The following CAMK1D variants were observed in gnomAD, a reference collection of about 807,000 sequenced individuals.
CAMK1D encodes calcium/calmodulin-dependent protein kinase type 1D.
A neutral mutation model predicts 47.7 loss-of-function variants in CAMK1D; 9 were observed. The observed-to-expected ratio is 0.19, with a 90% CI of 0.11 to 0.33. The LOEUF (loss-of-function observed/expected upper bound fraction) is 0.33, where lower values mean the gene tolerates loss of function less well. Among genes scored for constraint, CAMK1D ranks in the 10% least tolerant of loss-of-function variants. The pLI is 1.00. For missense variants in CAMK1D, 291 were observed against 488.7 expected, an observed-to-expected ratio of 0.60 and a Z score of 3.81; for synonymous variants, 184 against 184.9, an observed-to-expected ratio of 0.99 and a Z score of 0.04.
intron 3 of CAMK1D, among the ~76,000 whole-genome samples, chr10:12,681,790 T>C (rs902985245): frequency 2.0e-5 from 3 of 152,240 alleles, no homozygotes; most frequent in Admixed American, 1.3e-4. Context: ...AATCAAAGTA[T>C]TCAGCAAATT....
intron 3 of CAMK1D, among the ~76,000 whole-genome samples, chr10:12,691,916 G>A (rs1344946070): frequency 2.0e-5 from 3 of 152,092 alleles, no homozygotes; most frequent in Admixed American, 2.0e-4. Flanking sequence ...TACATCCTAT[G>A]GTATAAATGT....
At chr10:12,693,897 A>T (rs1466426640) in intron 3 of CAMK1D, among the ~76,000 whole-genome samples, 2 of 113,984 alleles carry the variant, frequency 1.8e-5, no homozygotes, top group African/African-American at 6.6e-5. Flanking sequence ...TATATATATA[A>T]AATATATATA....
chr10:12,689,477 T>C (rs1832788125), intron 3 of CAMK1D, among the ~76,000 whole-genome samples: 1 of 152,120 alleles, frequency 6.6e-6, no homozygotes, highest in South Asian at 2.1e-4. Flanking sequence ...AGAGTAGATA[T>C]TAAGAATTGG....
At chr10:12,683,394 C>T (rs1035011771) in intron 3 of CAMK1D, among the ~76,000 whole-genome samples, 3 of 152,034 alleles carry the variant, frequency 2.0e-5, no homozygotes, top group African/African-American at 4.8e-5. Context: ...CCATAAAATT[C>T]TTTTTATAAG....
intron 2 of CAMK1D, among the ~76,000 whole-genome samples, chr10:12,583,442 A>G (rs1387477798): frequency 6.6e-6 from 1 of 152,182 alleles, no homozygotes; most frequent in East Asian, 1.9e-4. Context: ...TCTTAATAGG[A>G]AAATCCCTTA....
intron 6 of CAMK1D, among the ~76,000 whole-genome samples, chr10:12,798,465 G>A (rs575455982): frequency 3.9e-5 from 6 of 152,234 alleles, no homozygotes; most frequent in Non-Finnish European, 7.3e-5. Flanking sequence ...TGGGAGGGAG[G>A]TGGTGGGGCA....
rs187876351 is a variant in CAMK1D at position 12,683,017 on chromosome 10, G to C, written c.299+16207G>C. Reference sequence around the variant, plus strand: ...GCTCACTGCAACCTCTGCCTCCCAGGTTCAGGCGATTCTCCTGCCTCAGCC... The same window carrying C: ...GCTCACTGCAACCTCTGCCTCCCAGCTTCAGGCGATTCTCCTGCCTCAGCC... On this transcript the variant is annotated intron_variant, in intron 3 of 10. Transcript: ENST00000619168. Among the ~76,000 whole-genome samples the C allele has an allele frequency of 3.1e-3, 471 of 151,572 alleles. 4 individuals are homozygous for C. The highest frequency in any genetic ancestry group is 0.011 in the African/African-American group (444 of 41,298).
chr10:12,583,876 G>A (rs538902902), intron 2 of CAMK1D, among the ~76,000 whole-genome samples: 59 of 152,288 alleles, frequency 3.9e-4, no homozygotes, highest in African/African-American at 1.4e-3. Context: ...TGGGATTTCA[G>A]TGTGAACCAC....
chr10:12,674,402 G>GT (rs1343141576), intron 3 of CAMK1D, among the ~76,000 whole-genome samples: 3 of 152,156 alleles, frequency 2.0e-5, no homozygotes, highest in Non-Finnish European at 2.9e-5. Flanking sequence ...GCCTCGGAAA[G>GT]TTTTAGTTTC....
intron 5 of CAMK1D, among the ~76,000 whole-genome samples, chr10:12,788,010 A>G (rs544018441): frequency 6.6e-6 from 1 of 152,302 alleles, no homozygotes; most frequent in East Asian, 1.9e-4. Context: ...TTGATGTGAC[A>G]CAGATAAGAC....
intron 2 of CAMK1D, among the ~76,000 whole-genome samples, chr10:12,559,469 T>C (rs1337692595): frequency 2.0e-5 from 3 of 152,116 alleles, no homozygotes; most frequent in Admixed American, 2.0e-4. Flanking sequence ...CTCCAGCCCT[T>C]GTCCGCTGAT....
At position 12,642,996 on chromosome 10, in the gene CAMK1D, T is replaced by TTTG. The variant is rs375798750; in HGVS notation, c.225-23728_225-23726dup. On this transcript the variant is annotated intron_variant, in intron 2 of 10. Transcript: ENST00000619168. ...TTCTCCTGACTAAATTACATTTTGG[T>TTTG]TTGTTGTTGTTGTTTGTTTGTTTGA... Among the ~76,000 whole-genome samples, 249 of 152,116 alleles carry TTTG rather than the reference T, an allele frequency of 1.6e-3. 3 individuals carry two copies. Among genetic ancestry groups the TTTG allele is most frequent in the African/African-American group, 5.7e-3 (236 of 41,486 alleles).
intron 3 of CAMK1D, among the ~76,000 whole-genome samples, chr10:12,709,076 G>A (rs1833836217): frequency 6.6e-6 from 1 of 152,260 alleles, no homozygotes; most frequent in East Asian, 1.9e-4. Context: ...CCAGGTCCAA[G>A]CCTCAGACAT....
At chr10:12,785,278 G>A (rs1258580335) in intron 5 of CAMK1D, among the ~76,000 whole-genome samples, 1 of 152,160 alleles carries the variant, frequency 6.6e-6, no homozygotes, top group African/African-American at 2.4e-5. Context: ...TTGTGTCTGG[G>A]CCAGGAGAAT....
intron 1 of CAMK1D, among the ~76,000 whole-genome samples, chr10:12,551,106 C>T (rs1426683058): frequency 2.6e-5 from 4 of 152,184 alleles, no homozygotes; most frequent in African/African-American, 9.7e-5. Context: ...GGTATGTGGC[C>T]TGTTAGGAAC....
chr10:12,670,452 T>C (rs1344141795), intron 3 of CAMK1D, among the ~76,000 whole-genome samples: 1 of 152,154 alleles, frequency 6.6e-6, no homozygotes, highest in Non-Finnish European at 1.5e-5. Context: ...TTTCTTCCAT[T>C]TTGTAGCTTG....
chr10:12,642,411 A>G (rs1839692589), intron 2 of CAMK1D, among the ~76,000 whole-genome samples: 1 of 152,246 alleles, frequency 6.6e-6, no homozygotes, highest in Non-Finnish European at 1.5e-5. Flanking sequence ...CAGTTACACG[A>G]TGGATGATAG....
At chr10:12,814,861 C>A (rs1231753249) in intron 7 of CAMK1D, among the ~76,000 whole-genome samples, 4 of 152,228 alleles carry the variant, frequency 2.6e-5, no homozygotes, top group Non-Finnish European at 5.9e-5. Context: ...AGAGGACAAG[C>A]TTGGGACATC....
At chr10:12,397,823 C>A (rs1029022136) in intron 1 of CAMK1D, among the ~76,000 whole-genome samples, 2 of 152,144 alleles carry the variant, frequency 1.3e-5, no homozygotes, top group Non-Finnish European at 2.9e-5. Flanking sequence ...CAGAAAAAAT[C>A]GCAGGTAAAC....
Sources: gnomAD v4.1 joint callset for allele counts (sites outside exome capture counted in the v4.1 genomes callset) on GRCh38, gnomAD v4.1.1 for gene constraint, MANE v1.5 for transcripts, NCBI Gene and HGNC (gene_info 2026-07-23, HGNC 2026-07-21) for gene names.